SH3GL3: variants seen among roughly 807,000 people sequenced by gnomAD.
SH3GL3 encodes SH3 domain containing GRB2 like 3, endophilin A3, also known as endophilin-A3.
In SH3GL3, 33 loss-of-function variants were observed where a neutral mutation model predicts 47.7. The observed-to-expected ratio is 0.69, with a 90% CI of 0.52 to 0.92. The LOEUF is 0.92. Among genes scored for constraint, SH3GL3 ranks in the 40% least tolerant of loss-of-function variants. SH3GL3 has a pLI of 0.00. For synonymous variants in SH3GL3, 155 were observed against 148.8 expected (o/e 1.04, Z -0.30); for missense variants, 363 against 417.8 (o/e 0.87, Z 1.14).
chr15:83,589,846 G>A (rs533123146), intron 8 of SH3GL3, among the ~76,000 whole-genome samples: 28 of 152,236 alleles, frequency 1.8e-4, no homozygotes, highest in South Asian at 6.2e-4. Context: ...ATTGGTGGAC[G>A]TTAAGGTTTT....
chr15:83,467,529 C>T (rs72760303), intron 1 of SH3GL3, among the ~76,000 whole-genome samples: 27,176 of 152,122 alleles, frequency 0.18, 2,915 homozygotes, highest in South Asian at 0.47. Context: ...TTTGTCTTTT[C>T]GTATAAATTT....
rs535532770 is a variant in SH3GL3, at chr15:83,447,668, G to A, written c.45+90G>A. ...CGGGCCTTTGGGACTCCTGTTCCCT[G>A]AAGGGCCTCTCTCGGGGCTCAATTT... On this transcript the variant is annotated intron_variant, in intron 1 of 8. Coordinates refer to ENST00000427482, the MANE Select transcript of SH3GL3 (RefSeq NM_003027.5). This position sits in a 1 kb window ranked among gnomAD's most constrained non-coding sequence, Gnocchi z 5.1. 2.2e-6 allele frequency: 2 copies of A among 922,416 alleles called. No individual in the cohort carries two copies. The highest frequency in any genetic ancestry group is 3.1e-6 in the Non-Finnish European group (2 of 648,706). 57.1% of individuals were successfully genotyped at this position (922,416 alleles called of 1,614,324 possible).
At chr15:83,523,947 T>TAA (rs3078535) in intron 1 of SH3GL3, among the ~76,000 whole-genome samples, 3 of 131,906 alleles carry the variant, frequency 2.3e-5, no homozygotes, top group Non-Finnish European at 1.6e-5. Flanking sequence ...TTCAGCAATC[T>TAA]AAAAAAAAAA....
chr15:83,578,431 A>G lies in SH3GL3; in HGVS notation c.624+1690A>G, dbSNP rs192322191. 1.9e-3 allele frequency among the ~76,000 whole-genome samples: 294 copies of G among 152,330 alleles called. 1 individual carries two copies. The highest frequency in any genetic ancestry group is 0.014 in the Admixed American group (213 of 15,300). On this transcript the variant is annotated intron_variant, in intron 6 of 8. Transcript: ENST00000427482. ...CTCAAGACCATGTCGTCCTTATAAC[A>G]GTTTATTTAAAGGTACACTGAGGTC... is the stretch of plus-strand genomic sequence containing the variant.
At chr15:83,530,104 C>T (rs1179208681) in intron 1 of SH3GL3, among the ~76,000 whole-genome samples, 1 of 152,034 alleles carries the variant, frequency 6.6e-6, no homozygotes, top group African/African-American at 2.4e-5. Context: ...TCAGGGATGT[C>T]GAGATGCAGG....
chr15:83,461,885 A>G (rs1293067008), intron 1 of SH3GL3, among the ~76,000 whole-genome samples: 1 of 152,220 alleles, frequency 6.6e-6, no homozygotes, highest in Non-Finnish European at 1.5e-5. Flanking sequence ...TATTTTACAT[A>G]CAAATTAGTC....
Position 83,447,666 on chromosome 15 carries a change from C to A in SH3GL3, c.45+88C>A. On this transcript the variant is annotated intron_variant, in intron 1 of 8. Coordinates refer to ENST00000427482, the MANE Select transcript of SH3GL3 (RefSeq NM_003027.5). This position sits in a 1 kb window ranked among gnomAD's most constrained non-coding sequence, Gnocchi z 5.1. ...CCCGGGCCTTTGGGACTCCTGTTCC[C>A]TGAAGGGCCTCTCTCGGGGCTCAAT... is the stretch of plus-strand genomic sequence containing the variant. 1.1e-6 allele frequency: 1 copy of A among 931,418 alleles called. No homozygotes were observed. The highest frequency in any genetic ancestry group is 1.5e-6 in the Non-Finnish European group (1 of 656,482). The allele number at this position is 931,418 out of a possible 1,614,324, so 57.7% of individuals were successfully genotyped here.
intron 1 of SH3GL3, among the ~76,000 whole-genome samples, chr15:83,474,516 T>G (rs936793994): frequency 1.3e-5 from 2 of 148,512 alleles, no homozygotes; most frequent in East Asian, 2.0e-4. Context: ...TGGCTGGCAC[T>G]TTTTTTTTTT....
downstream of SH3GL3, among the ~76,000 whole-genome samples, chr15:83,620,166 C>G (rs890749795): frequency 2.0e-5 from 3 of 152,214 alleles, no homozygotes; most frequent in Admixed American, 6.5e-5. Context: ...TCCACCACAT[C>G]TGCAATTACT....
intron 1 of SH3GL3, among the ~76,000 whole-genome samples, chr15:83,489,522 C>G (rs1596087619): frequency 6.6e-6 from 1 of 152,166 alleles, no homozygotes; most frequent in African/African-American, 2.4e-5. Flanking sequence ...TTTGACAGCC[C>G]AAGGGCAGGT....
chr15:83,521,861 T>C (rs1771394723), intron 1 of SH3GL3, among the ~76,000 whole-genome samples: 1 of 152,190 alleles, frequency 6.6e-6, no homozygotes, highest in Non-Finnish European at 1.5e-5. Flanking sequence ...GTGTTGTGTC[T>C]GATTAATTTC....
At chr15:83,580,063 G>A (rs2059791876) in intron 6 of SH3GL3, among the ~76,000 whole-genome samples, 1 of 152,202 alleles carries the variant, frequency 6.6e-6, no homozygotes, top group South Asian at 2.1e-4. Flanking sequence ...CCTTGGCCCT[G>A]TGTTTGGCCC....
intron 1 of SH3GL3, chr15:83,490,934 G>C (rs1567267266): frequency 1.2e-6 from 2 of 1,613,716 alleles, no homozygotes; most frequent in Non-Finnish European, 1.7e-6. Flanking sequence ...AGGGGGAGTG[G>C]TTGGGGAAGA....
intron 2 of SH3GL3, among the ~76,000 whole-genome samples, chr15:83,561,135 T>C (rs1339485320): frequency 6.6e-6 from 1 of 152,154 alleles, no homozygotes; most frequent in Non-Finnish European, 1.5e-5. Flanking sequence ...ATAACTTTGA[T>C]TATAAATAAA....
chr15:83,541,066 A>G (rs1367748704), intron 1 of SH3GL3, among the ~76,000 whole-genome samples: 1 of 152,052 alleles, frequency 6.6e-6, no homozygotes, highest in Non-Finnish European at 1.5e-5. Context: ...GGCTTATTTC[A>G]CTTAACATAA....
intron 8 of SH3GL3, among the ~76,000 whole-genome samples, chr15:83,590,250 G>T (rs137900293): frequency 6.6e-6 from 1 of 151,934 alleles, no homozygotes; most frequent in African/African-American, 2.4e-5. Context: ...GCTGTTGTTT[G>T]CTTTGTTTAG....
At chr15:83,478,528 ATGT>A (rs1342175974) in intron 1 of SH3GL3, among the ~76,000 whole-genome samples, 4 of 152,242 alleles carry the variant, frequency 2.6e-5, no homozygotes, top group African/African-American at 9.6e-5. Flanking sequence ...CTAACTTGTA[ATGT>A]TGTGCTGAAG....
intron 1 of SH3GL3, among the ~76,000 whole-genome samples, chr15:83,459,182 C>T (rs976949411): frequency 2.0e-5 from 3 of 152,248 alleles, no homozygotes; most frequent in Admixed American, 6.5e-5. Flanking sequence ...AGTCTTTCCA[C>T]ATTCTTCTGC....
intron 6 of SH3GL3, among the ~76,000 whole-genome samples, chr15:83,581,921 C>T (rs191044064): frequency 4.0e-4 from 61 of 152,262 alleles, no homozygotes; most frequent in Non-Finnish European, 6.9e-4. Flanking sequence ...GTGATGCAAG[C>T]CAGGAGGTGT....
Sources: gnomAD v4.1 joint callset for allele counts (sites outside exome capture counted in the v4.1 genomes callset) on GRCh38, gnomAD v4.1.1 for gene constraint, Gnocchi (gnomAD v3.1) non-coding constraint, MANE v1.5 for transcripts, NCBI Gene and HGNC (gene_info 2026-07-23, HGNC 2026-07-21) for gene names.